Variants in PLCZ1 observed in about 807,000 individuals in gnomAD.
PLCZ1 encodes 1-phosphatidylinositol 4,5-bisphosphate phosphodiesterase zeta-1.
A neutral mutation model predicts 76.8 loss-of-function variants in PLCZ1; 64 were observed. The observed-to-expected ratio is 0.83, with a 90% CI of 0.68 to 1.03. The LOEUF is 1.03. Among genes scored for constraint, PLCZ1 ranks in the 50% least tolerant of loss-of-function variants. PLCZ1 has a pLI of 0.00. For missense variants in PLCZ1, 751 were observed against 713.7 expected, an observed-to-expected ratio of 1.05 and a Z score of -0.60; for synonymous variants, 248 against 230.8, an observed-to-expected ratio of 1.07 and a Z score of -0.68.
At chr12:18,659,680 T>TA in the PLCZ1 span, among the ~76,000 whole-genome samples, 1 of 148,422 alleles carries the variant, frequency 6.7e-6, no homozygotes, top group Non-Finnish European at 1.5e-5. Context: ...TTTTTTTTTT[T>TA]ACTATTATTA....
intron 3 of PLCZ1, among the ~76,000 whole-genome samples, chr12:18,724,509 G>A (rs1399556469): frequency 6.6e-6 from 1 of 152,096 alleles, no homozygotes; most frequent in East Asian, 1.9e-4. Context: ...TAAACAGCTT[G>A]AATGCAAGAA....
chr12:18,650,716 A>ATATATATATC, the PLCZ1 span, among the ~76,000 whole-genome samples: 1 of 4,732 alleles, frequency 2.1e-4, no homozygotes, highest in Non-Finnish European at 4.8e-4. Context: ...ATATATCTAT[A>ATATATATATC]TATATATATA....
chr12:18,692,953 A>T (rs545515871), intron 12 of PLCZ1: 33 of 1,484,724 alleles, frequency 2.2e-5, no homozygotes, highest in Non-Finnish European at 3.1e-5. Context: ...ACTCAGTGCC[A>T]GTTAAAATTA....
At chr12:18,718,249 T>C (rs527348306) in intron 5 of PLCZ1, among the ~76,000 whole-genome samples, 2 of 152,264 alleles carry the variant, frequency 1.3e-5, no homozygotes, top group African/African-American at 4.8e-5. Flanking sequence ...CTACTTGTCA[T>C]CTCAGCTGCT....
chr12:18,708,777 C>A (rs1216328858), intron 6 of PLCZ1, among the ~76,000 whole-genome samples: 2 of 151,958 alleles, frequency 1.3e-5, no homozygotes, highest in African/African-American at 2.4e-5. Flanking sequence ...TGTTGAGTAC[C>A]TTTTCATATA....
the PLCZ1 span, among the ~76,000 whole-genome samples, chr12:18,663,687 G>T: frequency 6.6e-6 from 1 of 151,848 alleles, no homozygotes; most frequent in Non-Finnish European, 1.5e-5. Context: ...GTTGGATTTG[G>T]CAATGATTTG....
In PLCZ1 at chr12:18,693,327, T is replaced by C; in HGVS notation, c.1461+1583A>G. The C allele has an allele frequency of 1.9e-6, 3 of 1,549,060 alleles. No homozygotes were observed. In the South Asian group the frequency reaches 3.3e-5, roughly 17 times the overall value. On this transcript the variant is annotated intron_variant, in intron 12 of 14. Transcript: ENST00000266505. ...GGTGGAAAAGGCCCCCCAAGAGACC[T>C]ATGCAGATACTGGGGGGTTGGACAA...
At chr12:18,698,610 T>C (rs958947599) in intron 10 of PLCZ1, among the ~76,000 whole-genome samples, 2 of 152,166 alleles carry the variant, frequency 1.3e-5, no homozygotes, top group African/African-American at 4.8e-5. Context: ...GTGGTATTTC[T>C]ACACAAGATG....
rs755274056 is a variant in PLCZ1 at position 18,705,152 on chromosome 12, GA to G, written c.864+13del. On this transcript the variant is annotated intron_variant, in intron 7 of 14. Transcript: ENST00000266505. ...CTTTTTTCTTAACCTGAGTTTCTCA[GA>G]AAAAAATGTTACCTCTGGTGATGGT... 1.4e-5 allele frequency: 22 copies of G among 1,612,634 alleles called. No homozygotes were observed. The highest frequency in any genetic ancestry group is 1.9e-5 in the Non-Finnish European group (22 of 1,179,710).
At chr12:18,723,232 T>C in intron 4 of PLCZ1, 79 bp downstream of exon 4, 1 of 1,253,128 alleles carries the variant, frequency 8.0e-7, no homozygotes, top group Non-Finnish European at 1.1e-6. Flanking sequence ...AAAAATACTT[T>C]GCTTTGAAAT....
intron 6 of PLCZ1, among the ~76,000 whole-genome samples, chr12:18,705,552 A>G (rs1956490323): frequency 1.3e-5 from 2 of 152,186 alleles, no homozygotes; most frequent in African/African-American, 4.8e-5. Flanking sequence ...TGAAGCATCC[A>G]TCAGTGAGTA....
chr12:18,696,348 A>ATATATATATATATATATC lies in PLCZ1; in HGVS notation c.1175-83_1175-82insGATATATATATATATATA, dbSNP rs10523511. 1.3e-4 allele frequency: 27 copies of ATATATATATATATATATC among 214,306 alleles called. No homozygotes were observed. In the East Asian group the frequency reaches 1.7e-3, roughly 13 times the overall value. The allele number at this position is 214,306 out of a possible 1,614,324, so 13.3% of individuals were successfully genotyped here. Reference sequence around the variant, plus strand: ...TATATATATATATATATATATATATATATCATATAATTCTATAATAGTTTC... The same window carrying ATATATATATATATATATC: ...TATATATATATATATATATATATATATATATATATATATATATCTATCATATAATTCTATAATAGTTTC... On this transcript the variant is annotated intron_variant, in intron 10 of 14. Coordinates refer to ENST00000266505, the MANE Select transcript of PLCZ1 (RefSeq NM_033123.4).
the PLCZ1 span, among the ~76,000 whole-genome samples, chr12:18,664,384 A>C: frequency 6.6e-6 from 1 of 152,242 alleles, no homozygotes; most frequent in South Asian, 2.1e-4. Flanking sequence ...CCATTGATAC[A>C]TAAATGGATA....
chr12:18,687,120 T>G (rs1953268697), intron 13 of PLCZ1, among the ~76,000 whole-genome samples: 1 of 152,080 alleles, frequency 6.6e-6, no homozygotes, highest in Admixed American at 6.6e-5. Context: ...CAGGAAGTCA[T>G]CATCAATATC....
chr12:18,689,333 G>A (rs2137098395), intron 12 of PLCZ1, among the ~76,000 whole-genome samples: 1 of 152,260 alleles, frequency 6.6e-6, no homozygotes, highest in East Asian at 1.9e-4. Context: ...AACTGAATGA[G>A]AATTTAGGGC....
chr12:18,688,026 T>C (rs1160867265), intron 13 of PLCZ1, 63 bp downstream of exon 13: 2 of 1,585,698 alleles, frequency 1.3e-6, no homozygotes, highest in East Asian at 4.5e-5. Flanking sequence ...TATCAACATA[T>C]AATTTGTAAG....
At chr12:18,659,768 C>T in the PLCZ1 span, among the ~76,000 whole-genome samples, 2 of 151,160 alleles carry the variant, frequency 1.3e-5, no homozygotes, top group Non-Finnish European at 2.9e-5. Flanking sequence ...TGGTGTGCTG[C>T]ACCCGTTAAC....
chr12:18,736,126 TTTC>T (rs1428611131), intron 3 of PLCZ1, 92 bp downstream of exon 3: 9 of 1,413,110 alleles, frequency 6.4e-6, no homozygotes, highest in Non-Finnish European at 8.7e-6. Flanking sequence ...ATTAATTGCT[TTTC>T]TTCTTAAGAG....
At chr12:18,735,905 C>T in intron 3 of PLCZ1, 1 of 179,628 alleles carries the variant, frequency 5.6e-6, no homozygotes, top group Non-Finnish European at 1.2e-5. Context: ...GCTTATTCTC[C>T]ACTCTTTTTA....
Sources: gnomAD v4.1 joint callset for allele counts (sites outside exome capture counted in the v4.1 genomes callset) on GRCh38, gnomAD v4.1.1 for gene constraint, MANE v1.5 for transcripts, NCBI Gene and HGNC (gene_info 2026-07-23, HGNC 2026-07-21) for gene names.